The following JMJD1C variants were observed in gnomAD, a reference collection of about 807,000 sequenced individuals.
The protein encoded by JMJD1C is jumonji domain-containing protein 1C.
Under a neutral mutation model 245.3 loss-of-function variants are expected in JMJD1C, and 31 were observed. That is an observed-to-expected ratio of 0.13 (90% CI 0.09 to 0.17). The LOEUF (loss-of-function observed/expected upper bound fraction) is 0.17. JMJD1C is among the 10% of genes least tolerant of loss of function. The pLI, the probability that JMJD1C is intolerant of heterozygous loss-of-function variation, is 1.00. For missense variants in JMJD1C, 2,691 were observed against 3,000.2 expected (o/e 0.90, Z 2.41); for synonymous variants, 1,057 against 1,017.4 (o/e 1.04, Z -0.74).
chr10:63,272,482 C>G, intron 2 of JMJD1C, among the ~76,000 whole-genome samples: 1 of 152,114 alleles, frequency 6.6e-6, no homozygotes, highest in Non-Finnish European at 1.5e-5. Flanking sequence ...AACTCCTGAC[C>G]TCAGGTGATC....
intron 1 of JMJD1C, among the ~76,000 whole-genome samples, chr10:63,446,224 A>G (rs1415622690): frequency 2.0e-5 from 3 of 152,134 alleles, no homozygotes; most frequent in Non-Finnish European, 2.9e-5. Flanking sequence ...CTTTCTTGAC[A>G]GTTTGGATAT....
intron 1 of JMJD1C, among the ~76,000 whole-genome samples, chr10:63,454,238 G>A (rs1291542038): frequency 6.7e-6 from 1 of 150,302 alleles, no homozygotes; most frequent in Non-Finnish European, 1.5e-5. Flanking sequence ...TGTGATCGGA[G>A]CTCTAAAAGG....
At position 63,167,903 on chromosome 10, in the gene JMJD1C, TGTCA is replaced by T. The variant is rs1841992029; in HGVS notation, c.*138_*141del. On this transcript the variant is annotated 3_prime_UTR_variant, in exon 26 of 26. Coordinates refer to ENST00000399262, the MANE Select transcript of JMJD1C (RefSeq NM_032776.3). ...TGTGACATATGCTATACTGCTGTGG[TGTCA>T]GTAACAAGTAATTACTACAAAGAGA... is the stretch of plus-strand genomic sequence containing the variant. 2 of 610,782 alleles carry T rather than the reference TGTCA, an allele frequency of 3.3e-6. No individual in the cohort carries two copies. The highest frequency in any genetic ancestry group is 2.7e-5 in the Admixed American group (1 of 36,496). The allele number at this position is 610,782 out of a possible 1,614,324, so 37.8% of individuals were successfully genotyped here.
intron 2 of JMJD1C, among the ~76,000 whole-genome samples, chr10:63,267,005 T>G (rs1481828414): frequency 6.6e-6 from 1 of 152,192 alleles, no homozygotes; most frequent in Non-Finnish European, 1.5e-5. Context: ...ATTCTCACGT[T>G]TTAAGATGTC....
intron 8 of JMJD1C, among the ~76,000 whole-genome samples, chr10:63,210,461 T>C (rs1162905289): frequency 6.6e-6 from 1 of 152,206 alleles, no homozygotes; most frequent in African/African-American, 2.4e-5. Flanking sequence ...GTTAATAAAA[T>C]ATTTTATGTA....
chr10:63,262,663 TG>T (rs1854934404), intron 3 of JMJD1C, among the ~76,000 whole-genome samples: 1 of 152,218 alleles, frequency 6.6e-6, no homozygotes, highest in African/African-American at 2.4e-5. Flanking sequence ...ACTTCACTTC[TG>T]GAAGATATGG....
intron 1 of JMJD1C, among the ~76,000 whole-genome samples, chr10:63,385,743 T>C (rs1221640345): frequency 6.6e-6 from 1 of 152,026 alleles, no homozygotes; most frequent in Non-Finnish European, 1.5e-5. Flanking sequence ...ATTTCACCTA[T>C]CATAAAACCT....
chr10:63,281,204 G>A (rs192900800), intron 2 of JMJD1C, among the ~76,000 whole-genome samples: 3 of 147,056 alleles, frequency 2.0e-5, no homozygotes, highest in Admixed American at 6.9e-5. Flanking sequence ...GCACGATCTC[G>A]GCTCACTGCA....
chr10:63,407,863 A>G (rs1372101156), intron 1 of JMJD1C, among the ~76,000 whole-genome samples: 2 of 152,012 alleles, frequency 1.3e-5, no homozygotes, highest in African/African-American at 4.8e-5. Context: ...TTAAATTATG[A>G]TAGCAGAAAT....
intron 3 of JMJD1C, among the ~76,000 whole-genome samples, chr10:63,261,796 G>A (rs1854794961): frequency 6.6e-6 from 1 of 152,154 alleles, no homozygotes; most frequent in South Asian, 2.1e-4. Flanking sequence ...GGAAACTAAA[G>A]AAAAACATAC....
intron 19 of JMJD1C, 76 bp from the exon 20 acceptor site, chr10:63,185,729 A>T: frequency 1.2e-6 from 1 of 824,968 alleles, no homozygotes; most frequent in South Asian, 1.4e-5. Context: ...AAAGAAACGT[A>T]AATGAATGAA....
chr10:63,386,077 C>T (rs1243760612), intron 1 of JMJD1C, among the ~76,000 whole-genome samples: 2 of 151,408 alleles, frequency 1.3e-5, no homozygotes, highest in East Asian at 2.0e-4. Context: ...AAATGTGAAA[C>T]ATACACACAT....
chr10:63,407,311 CAGA>C (rs1412808298), intron 1 of JMJD1C, among the ~76,000 whole-genome samples: 1 of 152,172 alleles, frequency 6.6e-6, no homozygotes, highest in East Asian at 1.9e-4. Context: ...ACCATTGAAA[CAGA>C]AGAAGGATTA....
intron 3 of JMJD1C, among the ~76,000 whole-genome samples, chr10:63,228,580 C>T (rs935362199): frequency 1.3e-5 from 2 of 152,118 alleles, no homozygotes; most frequent in Non-Finnish European, 2.9e-5. Context: ...CTTGTAGGTA[C>T]AGTTTGCCTT....
At chr10:63,449,266 A>AAAAAAAAT (rs1358792259) in intron 1 of JMJD1C, among the ~76,000 whole-genome samples, 33 of 152,218 alleles carry the variant, frequency 2.2e-4, no homozygotes, top group Non-Finnish European at 3.7e-4. Context: ...ATGAACTGGT[A>AAAAAAAAT]CACAATCTAA....
At chr10:63,254,110 C>T (rs527649739) in intron 3 of JMJD1C, among the ~76,000 whole-genome samples, 94 of 152,130 alleles carry the variant, frequency 6.2e-4, no homozygotes, top group African/African-American at 2.1e-3. Flanking sequence ...CTGACAAGGG[C>T]TTCATTTTAA....
At chr10:63,437,070 T>G (rs1951096622) in intron 1 of JMJD1C, among the ~76,000 whole-genome samples, 1 of 152,198 alleles carries the variant, frequency 6.6e-6, no homozygotes, top group Non-Finnish European at 1.5e-5. Context: ...TGAATGCATC[T>G]TAGTTTTCCA....
chr10:63,494,741 AG>A (rs1954299936), intron 1 of JMJD1C, among the ~76,000 whole-genome samples: 1 of 152,218 alleles, frequency 6.6e-6, no homozygotes, highest in Admixed American at 6.5e-5. Flanking sequence ...TATTACTGAC[AG>A]AGAAAAACCT....
chr10:63,283,888 T>G (rs183114652), intron 2 of JMJD1C, among the ~76,000 whole-genome samples: 138 of 152,322 alleles, frequency 9.1e-4, no homozygotes, highest in African/African-American at 3.2e-3. Flanking sequence ...TGCATTTTTC[T>G]ACTCTGACAA....
Sources: gnomAD v4.1 joint callset for allele counts (sites outside exome capture counted in the v4.1 genomes callset) on GRCh38, gnomAD v4.1.1 for gene constraint, MANE v1.5 for transcripts, NCBI Gene and HGNC (gene_info 2026-07-23, HGNC 2026-07-21) for gene names.